The following MYO5B variants were observed in gnomAD, a reference collection of about 807,000 sequenced individuals.
MYO5B encodes the protein myosin VB, also known as unconventional myosin-Vb.
Under a neutral mutation model 229.3 loss-of-function variants are expected in MYO5B, and 143 were observed. That is an observed-to-expected ratio of 0.62 (90% CI 0.54 to 0.72). The LOEUF is 0.72. Ranked by LOEUF, MYO5B falls within the 30% of genes least tolerant of loss-of-function variation. The pLI, the probability that MYO5B is intolerant of heterozygous loss-of-function variation, is 0.00. For synonymous variants in MYO5B, 918 were observed against 885.2 expected, an observed-to-expected ratio of 1.04 and a Z score of -0.66; for missense variants, 2,321 against 2,331.0, an observed-to-expected ratio of 1.00 and a Z score of 0.09.
intron 29 of MYO5B, among the ~76,000 whole-genome samples, chr18:49,859,982 G>C (rs1470629687): frequency 1.3e-5 from 2 of 152,014 alleles, no homozygotes; most frequent in Non-Finnish European, 2.9e-5. Context: ...TGTGTGTATT[G>C]GCGGGGGGCG....
intron 16 of MYO5B, among the ~76,000 whole-genome samples, chr18:49,930,891 C>CAA (rs139716218): frequency 0.054 from 7,595 of 140,732 alleles, 519 homozygotes; most frequent in African/African-American, 0.15. Flanking sequence ...GACTCTGTCT[C>CAA]AAAAAAAAAC....
intron 1 of MYO5B, among the ~76,000 whole-genome samples, chr18:50,122,120 G>A (rs964334983): frequency 2.0e-5 from 3 of 152,148 alleles, no homozygotes; most frequent in Non-Finnish European, 4.4e-5. Flanking sequence ...GCAGGGTGCT[G>A]TGAGAACTAA....
At chr18:49,878,800 CCT>C (rs2024554400) in intron 24 of MYO5B, 143 bp downstream of exon 24, 2 of 1,001,160 alleles carry the variant, frequency 2.0e-6, no homozygotes, top group Non-Finnish European at 3.0e-6. Context: ...GCTACCTTTG[CCT>C]CTCTGCAGTA....
chr18:49,970,306 G>A (rs1480241404), intron 10 of MYO5B, among the ~76,000 whole-genome samples: 1 of 152,186 alleles, frequency 6.6e-6, no homozygotes, highest in Non-Finnish European at 1.5e-5. Flanking sequence ...AGTACTGCTT[G>A]CTTTGCACTT....
chr18:50,030,821 T>TAC, intron 4 of MYO5B, among the ~76,000 whole-genome samples: 1 of 140,460 alleles, frequency 7.1e-6, no homozygotes, highest in East Asian at 2.1e-4. Context: ...GGTGCTGTAT[T>TAC]ACCTTGGTTA....
intron 1 of MYO5B, among the ~76,000 whole-genome samples, chr18:50,144,507 A>C (rs1203853058): frequency 6.6e-6 from 1 of 152,136 alleles, no homozygotes; most frequent in South Asian, 2.1e-4. Flanking sequence ...TCACTCTCCC[A>C]TCCAAAAACA....
At chr18:49,912,010 A>T in intron 18 of MYO5B, 52 bp downstream of exon 18, 1 of 1,422,942 alleles carries the variant, frequency 7.0e-7, no homozygotes, top group Non-Finnish European at 9.9e-7. Context: ...CACCCCCTCA[A>T]TCTTTAGGGG....
intron 2 of MYO5B, among the ~76,000 whole-genome samples, chr18:50,043,359 ATATAT>A (rs1302891928): frequency 3.5e-5 from 3 of 85,318 alleles, no homozygotes; most frequent in Admixed American, 1.5e-4. Context: ...TATAATATAA[ATATAT>A]TATATAATAT....
chr18:49,936,416 C>A (rs2025250904), intron 15 of MYO5B, 67 bp from the exon 16 acceptor site: 1 of 1,114,782 alleles, frequency 9.0e-7, no homozygotes, highest in Non-Finnish European at 1.3e-6. Flanking sequence ...AAGAAAAACT[C>A]ATATATGGGT....
chr18:49,849,990 C>A (rs966510299), intron 31 of MYO5B: 19 of 390,932 alleles, frequency 4.9e-5, no homozygotes, highest in African/African-American at 2.7e-4. Flanking sequence ...ACACACTCAG[C>A]CTAGGAGTCC....
intron 1 of MYO5B, chr18:50,126,682 T>C (rs1296369467): frequency 1.3e-5 from 2 of 154,604 alleles, no homozygotes; most frequent in Non-Finnish European, 2.9e-5. Context: ...GTGAATCATC[T>C]CCAGGACCTG....
At chr18:49,882,838 CTT>C (rs1409344090) in intron 22 of MYO5B, among the ~76,000 whole-genome samples, 1 of 152,084 alleles carries the variant, frequency 6.6e-6, no homozygotes, top group Non-Finnish European at 1.5e-5. Flanking sequence ...AGTATCTACT[CTT>C]TACAAATTCT....
intron 10 of MYO5B, among the ~76,000 whole-genome samples, chr18:49,966,964 A>G (rs1217816202): frequency 2.0e-5 from 3 of 152,226 alleles, no homozygotes; most frequent in African/African-American, 7.2e-5. Flanking sequence ...TCAACAGAGA[A>G]GACTTTTTAA....
intron 1 of MYO5B, among the ~76,000 whole-genome samples, chr18:50,114,677 A>C (rs1238802637): frequency 1.3e-5 from 2 of 152,230 alleles, no homozygotes; most frequent in Non-Finnish European, 2.9e-5. Flanking sequence ...AAAGAACTAG[A>C]GGACCAGAAA....
intron 1 of MYO5B, among the ~76,000 whole-genome samples, chr18:50,163,359 A>G (rs994463224): frequency 6.8e-6 from 1 of 146,210 alleles, no homozygotes; most frequent in African/African-American, 2.5e-5. Flanking sequence ...GAGAGGGGCA[A>G]ACAAGGGCAC....
At chr18:50,081,958 T>A (rs2031230473) in intron 1 of MYO5B, among the ~76,000 whole-genome samples, 1 of 152,230 alleles carries the variant, frequency 6.6e-6, no homozygotes, top group Non-Finnish European at 1.5e-5. Context: ...AGAAGTAATT[T>A]GTTTGGTTTA....
chr18:49,964,971 CAGAG>C (rs1362626493), intron 10 of MYO5B, among the ~76,000 whole-genome samples: 1 of 152,168 alleles, frequency 6.6e-6, no homozygotes, highest in Non-Finnish European at 1.5e-5. Flanking sequence ...CAGGCAGCAG[CAGAG>C]AGATTCCGAA....
chr18:50,067,174 A>G lies in MYO5B; in HGVS notation c.28-11796T>C, dbSNP rs187957239. Among the ~76,000 whole-genome samples, 715 of 152,318 alleles carry G rather than the reference A, an allele frequency of 4.7e-3. 5 individuals carry two copies. The highest frequency in any genetic ancestry group is 0.016 in the African/African-American group (665 of 41,576). On this transcript the variant is annotated intron_variant, in intron 1 of 39. Transcript: ENST00000285039. ...GGAAGGGGGAATTCATCTTAATGAG[A>G]AAAAGTAAAATGAGAGATGGGCCCC...
At chr18:49,967,619 A>C (rs1354784608) in intron 10 of MYO5B, among the ~76,000 whole-genome samples, 2 of 152,196 alleles carry the variant, frequency 1.3e-5, no homozygotes, top group Non-Finnish European at 1.5e-5. Context: ...TTCTCCCTGG[A>C]GAAGCCTTTA....
Sources: allele counts gnomAD v4.1 joint callset (sites outside exome capture counted in the v4.1 genomes callset), GRCh38; gene constraint gnomAD v4.1.1; transcripts MANE v1.5; gene names NCBI Gene and HGNC (gene_info 2026-07-23, HGNC 2026-07-21).